PCDHGA6: variants seen among roughly 807,000 people sequenced by gnomAD.
The protein encoded by PCDHGA6 is protocadherin gamma-A6.
A neutral mutation model predicts 60.6 loss-of-function variants in PCDHGA6; 41 were observed. The ratio of observed to expected loss-of-function variants is 0.68; its 90% CI spans 0.53 to 0.88. The LOEUF (loss-of-function observed/expected upper bound fraction) is 0.88, where lower values mean the gene tolerates loss of function less well. PCDHGA6 is among the 40% of genes least tolerant of loss of function. The probability of loss-of-function intolerance (pLI) is 0.00; values close to 1 mark genes in which losing one functional copy is unlikely to be tolerated. For missense variants in PCDHGA6, 1,312 were observed against 1,203.0 expected (o/e 1.09, Z -1.34); for synonymous variants, 594 against 524.4 (o/e 1.13, Z -1.81).
chr5:141,450,092 C>T (rs761677942), intron 1 of PCDHGA6, among the ~76,000 whole-genome samples: 2 of 148,672 alleles, frequency 1.3e-5, no homozygotes, highest in Non-Finnish European at 3.0e-5. Flanking sequence ...CTGCAACCTC[C>T]GCCTCCCAGG....
At position 141,491,067 on chromosome 5, in the gene PCDHGA6, G is replaced by T. The variant is rs752758445; in HGVS notation, c.2425-3740G>T. On this transcript the variant is annotated intron_variant, in intron 1 of 3. Transcript: ENST00000517434. The surrounding 1 kb of genome is among the most constrained non-coding windows in gnomAD (Gnocchi z 6.9). Reference sequence around the variant, plus strand: ...ACAATGCGTGGCTCTCCTACTCACTGTTGCCACAGTCCACAGCCCCAGGAC... The same window carrying T: ...ACAATGCGTGGCTCTCCTACTCACTTTTGCCACAGTCCACAGCCCCAGGAC... 1.2e-6 allele frequency: 2 copies of T among 1,614,200 alleles called. No homozygotes were observed. The highest frequency in any genetic ancestry group is 1.7e-6 in the Non-Finnish European group (2 of 1,180,040).
intron 1 of PCDHGA6, among the ~76,000 whole-genome samples, chr5:141,482,053 C>G (rs2099551080): frequency 6.6e-6 from 1 of 150,558 alleles, no homozygotes; most frequent in Non-Finnish European, 1.5e-5. Flanking sequence ...CTGTTGCATT[C>G]CAGCCTGGGC....
chr5:141,422,976 G>A lies in PCDHGA6; in HGVS notation c.2424+46469G>A, dbSNP rs558006468. On this transcript the variant is annotated intron_variant, in intron 1 of 3. Transcript: ENST00000517434. The stretch of plus-strand genomic sequence containing the variant: ...GCGTGGAGCTGGCGCCCCGCTCTGC[G>A]GAACCTGGCTACCTGGTGACCAAGG... 27 of 1,614,212 alleles carry A rather than the reference G, an allele frequency of 1.7e-5. No homozygotes were observed. In the East Asian group the frequency reaches 4.7e-4, roughly 28 times the overall value.
At chr5:141,496,782 C>T (rs552953558) in intron 2 of PCDHGA6, among the ~76,000 whole-genome samples, 16 of 152,136 alleles carry the variant, frequency 1.1e-4, no homozygotes, top group South Asian at 2.1e-4. Context: ...TGAGCAGGGC[C>T]CTGTGCTAAA....
chr5:141,477,708 G>T lies in PCDHGA6; in HGVS notation c.2425-17099G>T. ...GTGCCCCTAGACTATGAGGATCGGC[G>T]GGAATTTGAATTAACAGCTCATATC... On this transcript the variant is annotated intron_variant, in intron 1 of 3. Transcript: ENST00000517434. The surrounding 1 kb of genome is among the most constrained non-coding windows in gnomAD (Gnocchi z 4.9). 2 of 1,613,930 alleles carry T rather than the reference G, an allele frequency of 1.2e-6. No individual in the cohort carries two copies. Among genetic ancestry groups the T allele is most frequent in the Non-Finnish European group, 1.7e-6 (2 of 1,180,030 alleles).
rs764434052 is a variant in PCDHGA6, at chr5:141,431,792, C to T, written c.2424+55285C>T. ...TGTTCTGGACGTGAACGACAATGCC[C>T]CAGAAGTGGTCCTCACCTCTCTCGC... is the stretch of plus-strand genomic sequence containing the variant. On this transcript the variant is annotated intron_variant, in intron 1 of 3. Transcript: ENST00000517434. This position sits in a 1 kb window ranked among gnomAD's most constrained non-coding sequence, Gnocchi z 4.8. The T allele has an allele frequency of 3.7e-6, 6 of 1,614,234 alleles. No homozygotes were observed. The South Asian group carries it at 6.6e-5, about 18-fold the overall frequency.
At position 141,393,231 on chromosome 5, in the gene PCDHGA6, G is replaced by A. The variant is rs1309107381; in HGVS notation, c.2424+16724G>A. On this transcript the variant is annotated intron_variant, in intron 1 of 3. Transcript: ENST00000517434. Reference sequence around the variant, plus strand: ...AAAATTCCAGGTCGAAGATCTAGAAGTAAAAATTAACGAAATCGCGGTTCC... The same window carrying A: ...AAAATTCCAGGTCGAAGATCTAGAAATAAAAATTAACGAAATCGCGGTTCC... 2.5e-6 allele frequency: 4 copies of A among 1,613,738 alleles called. 1 individual carries two copies. In the South Asian group the frequency reaches 4.4e-5, roughly 18 times the overall value.
In PCDHGA6 at chr5:141,374,437, C is replaced by A. The variant is rs549456032; in HGVS notation, c.354C>A (p.Pro118=). The change falls in exon 1 of 4, where the codon CCC becomes CCA. Residue 118 remains proline (P), a synonymous_variant. Coordinates refer to ENST00000517434, the MANE Select transcript of PCDHGA6 (RefSeq NM_018919.3). The part of the protein sequence containing the change: ...ILVEDKLNLY[P]VEVEIVDIND... ...TCGAGGATAAACTGAATCTTTATCC[C>A]GTGGAAGTGGAAATAGTGGACATTA... is the stretch of plus-strand genomic sequence containing the variant. The A allele has an allele frequency of 6.2e-7, 1 of 1,613,846 alleles. No homozygotes were observed. The highest frequency in any genetic ancestry group is 1.1e-5 in the South Asian group (1 of 91,088).
chr5:141,419,656 G>C lies in PCDHGA6; in HGVS notation c.2424+43149G>C. The C allele has an allele frequency of 1.9e-6, 3 of 1,612,648 alleles. No homozygotes were observed. The East Asian group carries it at 6.7e-5, about 36-fold the overall frequency. ...TGGTGGCCGTGGACGCGGACTCGGGGCACAATGCCTGGCTGTCCTACCACG... is the reference window on the plus strand; with the variant it reads ...TGGTGGCCGTGGACGCGGACTCGGGCCACAATGCCTGGCTGTCCTACCACG... On this transcript the variant is annotated intron_variant, in intron 1 of 3. Transcript: ENST00000517434.
chr5:141,434,894 C>T (rs1316284716), intron 1 of PCDHGA6, among the ~76,000 whole-genome samples: 1 of 143,118 alleles, frequency 7.0e-6, no homozygotes, highest in East Asian at 2.1e-4. Flanking sequence ...AATCCAGTCC[C>T]CTTCCCTCAT....
intron 1 of PCDHGA6, chr5:141,419,596 G>A (rs377287183): frequency 2.6e-5 from 42 of 1,611,564 alleles, no homozygotes; most frequent in Non-Finnish European, 3.3e-5. Flanking sequence ...ACACAGTGCC[G>A]CGGGCCGCGC....
At chr5:141,387,213 G>C (rs1279285840) in intron 1 of PCDHGA6, among the ~76,000 whole-genome samples, 4 of 152,128 alleles carry the variant, frequency 2.6e-5, no homozygotes, top group Admixed American at 1.3e-4. Flanking sequence ...ATACTCTCCG[G>C]AAAAAGTTGA....
chr5:141,421,567 A>G (rs1202908091), intron 1 of PCDHGA6: 27 of 1,613,972 alleles, frequency 1.7e-5, no homozygotes, highest in Non-Finnish European at 2.2e-5. Context: ...CGTGGAAGAC[A>G]CCTTGAAGAT....
At chr5:141,455,903 ATTTATTT>A (rs2098836354) in intron 1 of PCDHGA6, among the ~76,000 whole-genome samples, 1 of 145,228 alleles carries the variant, frequency 6.9e-6, no homozygotes, top group African/African-American at 2.7e-5. Context: ...TTATTTATTT[ATTTATTT>A]ATTTTGAGAC....
chr5:141,393,774 G>A (rs767667499), intron 1 of PCDHGA6: 9 of 1,613,824 alleles, frequency 5.6e-6, no homozygotes, highest in Non-Finnish European at 7.6e-6. Context: ...GGAAATACAA[G>A]CCGAAGATGT....
At chr5:141,460,425 G>A (rs953425058) in intron 1 of PCDHGA6, among the ~76,000 whole-genome samples, 3 of 152,114 alleles carry the variant, frequency 2.0e-5, no homozygotes. Flanking sequence ...TATGTATGGT[G>A]TATGGTGTGA....
Position 141,437,485 on chromosome 5 carries a change from C to T in PCDHGA6, c.2425-57322C>T, listed in dbSNP as rs372023505. The stretch of plus-strand genomic sequence containing the variant: ...TATACTTTTATAGCATATTTAATCT[C>T]GTAGATCACTTTTCAATGAATTATA... On this transcript the variant is annotated intron_variant, in intron 1 of 3. Transcript: ENST00000517434. Among the ~76,000 whole-genome samples, 16 of 152,188 alleles carry T rather than the reference C, an allele frequency of 1.1e-4. No individual in the cohort carries two copies. In the East Asian group the frequency reaches 2.9e-3, roughly 28 times the overall value.
At chr5:141,414,239 C>T in intron 1 of PCDHGA6, 1 of 1,613,498 alleles carries the variant, frequency 6.2e-7, no homozygotes, top group Non-Finnish European at 8.5e-7. Context: ...ACCATCACGT[C>T]TCTATTTAGT....
At chr5:141,385,300 A>G (rs1781097976) in intron 1 of PCDHGA6, 2 of 1,613,102 alleles carry the variant, frequency 1.2e-6, no homozygotes, top group Non-Finnish European at 8.5e-7. Flanking sequence ...TCAGGAATGT[A>G]AAGAAAACCT....
Sources: allele counts gnomAD v4.1 joint callset (sites outside exome capture counted in the v4.1 genomes callset), GRCh38; gene constraint gnomAD v4.1.1; non-coding constraint Gnocchi (gnomAD v3.1); transcripts MANE v1.5; gene names NCBI Gene and HGNC (gene_info 2026-07-23, HGNC 2026-07-21).